OLFM3: variants seen among roughly 807,000 people sequenced by gnomAD.
OLFM3 encodes noelin-3.
OLFM3 carries 20 observed loss-of-function variants against 48.6 expected under a neutral mutation model. The ratio of observed to expected loss-of-function variants is 0.41; its 90% CI spans 0.29 to 0.60. The LOEUF is 0.60. OLFM3 is among the 20% of genes least tolerant of loss of function. The probability of loss-of-function intolerance (pLI) is 0.28; values close to 1 mark genes in which losing one functional copy is unlikely to be tolerated. For missense variants in OLFM3, 437 were observed against 544.3 expected (o/e 0.80, Z 1.96); for synonymous variants, 222 against 198.1 (o/e 1.12, Z -1.01).
intron 1 of OLFM3, among the ~76,000 whole-genome samples, chr1:101,936,108 G>C (rs1043984194): frequency 1.2e-4 from 18 of 152,144 alleles, no homozygotes; most frequent in African/African-American, 4.3e-4. Context: ...CATAGTACTG[G>C]AAGTCCTAGC....
intron 1 of OLFM3, among the ~76,000 whole-genome samples, chr1:101,939,505 G>T (rs11164339): frequency 0.92 from 139,766 of 152,142 alleles, 64,468 homozygotes; most frequent in Middle Eastern, 0.97. Context: ...AGAGGCTTAT[G>T]GACAAACTTG....
At chr1:101,934,880 A>T (rs993727479) in intron 1 of OLFM3, among the ~76,000 whole-genome samples, 3 of 152,182 alleles carry the variant, frequency 2.0e-5, no homozygotes, top group African/African-American at 7.2e-5. Context: ...GGGGTAAGGA[A>T]TAAAATTAAG....
chr1:101,903,852 T>G (rs962174871), intron 1 of OLFM3, among the ~76,000 whole-genome samples: 14 of 152,068 alleles, frequency 9.2e-5, no homozygotes, highest in African/African-American at 4.8e-5. Context: ...TACTTATACA[T>G]GGCAATACAT....
intron 3 of OLFM3, among the ~76,000 whole-genome samples, chr1:101,827,207 G>A (rs1654902573): frequency 6.6e-6 from 1 of 152,186 alleles, no homozygotes; most frequent in South Asian, 2.1e-4. Flanking sequence ...CTTCATATAA[G>A]AATGTCAATC....
intron 1 of OLFM3, among the ~76,000 whole-genome samples, chr1:101,841,509 G>A (rs753968027): frequency 6.6e-6 from 1 of 152,132 alleles, no homozygotes; most frequent in Admixed American, 6.6e-5. Context: ...GAGAAGACAG[G>A]CCCCACTGTA....
At chr1:101,965,283 T>C (rs2101088806) in intron 1 of OLFM3, among the ~76,000 whole-genome samples, 1 of 152,090 alleles carries the variant, frequency 6.6e-6, no homozygotes, top group South Asian at 2.1e-4. Flanking sequence ...CAGAAAATAA[T>C]CAAAAGAAGA....
intron 3 of OLFM3, among the ~76,000 whole-genome samples, chr1:101,827,855 C>A (rs925087270): frequency 2.0e-5 from 3 of 152,120 alleles, no homozygotes; most frequent in Admixed American, 6.5e-5. Context: ...GTGTCCCCAC[C>A]TAAATCTTAT....
chr1:101,962,996 G>A (rs567371735), intron 1 of OLFM3, among the ~76,000 whole-genome samples: 4 of 152,260 alleles, frequency 2.6e-5, no homozygotes, highest in East Asian at 1.9e-4. Context: ...GTAACTTTTC[G>A]GGATTTTCAC....
chr1:101,956,093 T>G (rs913823685), intron 1 of OLFM3, among the ~76,000 whole-genome samples: 6 of 125,852 alleles, frequency 4.8e-5, no homozygotes, highest in Non-Finnish European at 1.0e-4. Context: ...CAGGTTTTTT[T>G]TTTTTTTTTT....
At chr1:101,859,155 G>T (rs1656547280) in intron 1 of OLFM3, among the ~76,000 whole-genome samples, 2 of 152,120 alleles carry the variant, frequency 1.3e-5, no homozygotes, top group South Asian at 4.2e-4. Context: ...GAGTTGGAAA[G>T]GTAGCAGGAA....
intron 1 of OLFM3, among the ~76,000 whole-genome samples, chr1:101,851,154 G>A (rs572322309): frequency 2.8e-4 from 42 of 152,226 alleles, no homozygotes; most frequent in African/African-American, 1.0e-3. Flanking sequence ...TGTGGTTTGA[G>A]AGTGACCAGG....
intron 1 of OLFM3, among the ~76,000 whole-genome samples, chr1:101,980,849 G>GA (rs1201784414): frequency 6.6e-6 from 1 of 151,692 alleles, no homozygotes; most frequent in Non-Finnish European, 1.5e-5. Context: ...TAGGGTCAGT[G>GA]AAAAAAAATA....
chr1:101,846,856 G>A (rs41287302), intron 1 of OLFM3: 37,608 of 1,611,692 alleles, frequency 0.023, 522 homozygotes, highest in Middle Eastern at 0.057. Context: ...AAGGTATCCG[G>A]AGTCGACAGC....
chr1:101,883,146 G>A (rs2100993336), intron 1 of OLFM3, among the ~76,000 whole-genome samples: 1 of 151,800 alleles, frequency 6.6e-6, no homozygotes, highest in East Asian at 2.0e-4. Context: ...GTCCCAGGTA[G>A]CTGTCATCTT....
Position 101,841,687 on chromosome 1 carries a change from G to A in OLFM3, c.70-4662C>T, listed in dbSNP as rs183246913. ...AATCATTTATCAGGGTCTAGATGGA[G>A]GGACAGGCAAAGTAAGAGAATTCTG... On this transcript the variant is annotated intron_variant, in intron 1 of 5. Transcript: ENST00000370103. 1.6e-3 allele frequency among the ~76,000 whole-genome samples: 239 copies of A among 152,326 alleles called. 2 individuals carry two copies. The highest frequency in any genetic ancestry group is 0.01 in the Middle Eastern group (3 of 294).
chr1:101,835,681 T>G (rs1655366761), intron 2 of OLFM3, among the ~76,000 whole-genome samples: 2 of 152,166 alleles, frequency 1.3e-5, no homozygotes, highest in South Asian at 2.1e-4. Flanking sequence ...AAATGACATA[T>G]GCTCTTGTTG....
At chr1:101,866,503 G>GT (rs1656862731) in intron 1 of OLFM3, among the ~76,000 whole-genome samples, 1 of 151,960 alleles carries the variant, frequency 6.6e-6, no homozygotes. Context: ...TCATAAAAGC[G>GT]TAAGTAGTTT....
chr1:101,960,108 G>A (rs1378275748), intron 1 of OLFM3, among the ~76,000 whole-genome samples: 3 of 152,232 alleles, frequency 2.0e-5, no homozygotes, highest in East Asian at 1.9e-4. Flanking sequence ...TGGAGGAAAC[G>A]GGGCTGGGGC....
rs143917839 is a variant in OLFM3 at position 101,913,631 on chromosome 1, G to T, written c.70-76606C>A. Among the ~76,000 whole-genome samples the T allele has an allele frequency of 4.1e-3, 618 of 150,942 alleles. 4 individuals are homozygous for T. The highest frequency in any genetic ancestry group is 0.014 in the Middle Eastern group (4 of 294). Reference sequence around the variant, plus strand: ...AAGATAATGTCAGAATGATCATTTAGTAACTATTGCCATCCAGAGGCTGAG... The same window carrying T: ...AAGATAATGTCAGAATGATCATTTATTAACTATTGCCATCCAGAGGCTGAG... On this transcript the variant is annotated intron_variant, in intron 1 of 5. Transcript: ENST00000370103.
Sources: allele counts gnomAD v4.1 joint callset (sites outside exome capture counted in the v4.1 genomes callset), GRCh38; gene constraint gnomAD v4.1.1; transcripts MANE v1.5; gene names NCBI Gene and HGNC (gene_info 2026-07-23, HGNC 2026-07-21).